Variants in DDX55 observed in about 807,000 individuals in gnomAD.
DDX55 encodes DEAD-box helicase 55.
DDX55 carries 56 observed loss-of-function variants against 69.2 expected under a neutral mutation model. That is an observed-to-expected ratio of 0.81 (90% CI 0.65 to 1.01). The LOEUF is 1.01. Ranked by LOEUF, DDX55 falls within the 50% of genes least tolerant of loss-of-function variation. DDX55 has a pLI of 0.00. For missense variants in DDX55, 720 were observed against 745.1 expected (o/e 0.97, Z 0.39); for synonymous variants, 268 against 273.1 (o/e 0.98, Z 0.18).
intron 12 of DDX55, among the ~76,000 whole-genome samples, chr12:123,619,055 C>T (rs113060372): frequency 0.014 from 2,147 of 152,336 alleles, 51 homozygotes; most frequent in African/African-American, 0.048. Flanking sequence ...CAGCCTGGAG[C>T]GCAGTGGCGC....
chr12:123,605,659 A>C (rs1953839500), intron 1 of DDX55: 1 of 558,602 alleles, frequency 1.8e-6, no homozygotes, highest in African/African-American at 1.9e-5. Flanking sequence ...AATGTCTTCA[A>C]CGCCTTCCTG....
At chr12:123,619,318 C>A in intron 12 of DDX55, 114 bp from the exon 13 acceptor site, 1 of 1,451,430 alleles carries the variant, frequency 6.9e-7, no homozygotes, top group Non-Finnish European at 9.1e-7. Context: ...TATTTTCATT[C>A]TAACTAAAAT....
intron 13 of DDX55, 78 bp downstream of exon 13, chr12:123,619,802 T>TG: frequency 1.3e-6 from 2 of 1,519,740 alleles, no homozygotes; most frequent in Non-Finnish European, 1.7e-6. Flanking sequence ...AGGAATTGTG[T>TG]GGGGCTGTCA....
At chr12:123,609,412 T>C (rs1954078688) in intron 6 of DDX55, among the ~76,000 whole-genome samples, 1 of 150,156 alleles carries the variant, frequency 6.7e-6, no homozygotes. Context: ...TCTCACTCTG[T>C]CATCCAGGCT....
intron 6 of DDX55, among the ~76,000 whole-genome samples, chr12:123,609,650 A>G (rs1414801659): frequency 6.6e-6 from 1 of 152,064 alleles, no homozygotes; most frequent in Admixed American, 6.6e-5. Context: ...TGGGATTACA[A>G]GCATGAGCCA....
rs1365214747 is a variant in DDX55 at position 123,608,676 on chromosome 12, A to G, written c.402-4A>G. The G allele has an allele frequency of 1.2e-6, 2 of 1,611,538 alleles. No individual in the cohort carries two copies. The highest frequency in any genetic ancestry group is 2.2e-5 in the East Asian group (1 of 44,854). Reference sequence around the variant, plus strand: ...TTTGGTAAATGTTAACTTTCTTTCCAAAGTGGGAACATCATTGTGGCCACT... The same window carrying G: ...TTTGGTAAATGTTAACTTTCTTTCCGAAGTGGGAACATCATTGTGGCCACT... On this transcript the variant is annotated splice_region_variant and splice_polypyrimidine_tract_variant and intron_variant, in intron 5 of 13. Coordinates refer to ENST00000238146, the MANE Select transcript of DDX55 (RefSeq NM_020936.3).
chr12:123,608,303 C>T (rs776928477), intron 5 of DDX55: 18 of 172,956 alleles, frequency 1.0e-4, no homozygotes, highest in African/African-American at 3.1e-4. Context: ...TAAATGTTTT[C>T]GGCTTTGTGA....
intron 6 of DDX55, 40 bp from the exon 7 acceptor site, chr12:123,609,899 T>C: frequency 6.3e-7 from 1 of 1,585,760 alleles, no homozygotes; most frequent in South Asian, 1.2e-5. Flanking sequence ...TTGATTCTGC[T>C]GGCAAGTGAG....
intron 7 of DDX55, among the ~76,000 whole-genome samples, chr12:123,610,436 C>G (rs886347943): frequency 2.0e-5 from 3 of 152,016 alleles, no homozygotes; most frequent in South Asian, 2.1e-4. Context: ...CTCTGTAGTT[C>G]CTGGGCCCGT....
At position 123,602,276 on chromosome 12, in the gene DDX55, G is replaced by A. The variant is rs1953609375; in HGVS notation, c.108+20G>A. ...GTGCAGGTATCGGTTCCCTGGCGTG[G>A]GGGAGTGAGGCTGGGAGAGGGGCAG... On this transcript the variant is annotated intron_variant, in intron 1 of 13. Transcript: ENST00000238146. 1 of 1,536,226 alleles carries A rather than the reference G, an allele frequency of 6.5e-7. No homozygotes were observed. Among genetic ancestry groups the A allele is most frequent in the African/African-American group, 1.4e-5 (1 of 73,134 alleles).
At position 123,617,810 on chromosome 12, in the gene DDX55, G is replaced by T. The variant is rs916500018; in HGVS notation, c.1102G>T (p.Ala368Ser). The T allele has an allele frequency of 1.5e-5, 25 of 1,613,904 alleles. No individual in the cohort carries two copies. Among genetic ancestry groups the T allele is most frequent in the Non-Finnish European group, 1.6e-5 (19 of 1,180,002 alleles). Residue 368 changes from alanine (A) to serine (S), a missense_variant, in exon 11 of 14, where the codon GCT (alanine) becomes TCT (serine). Transcript: ENST00000238146. ...AGCTCGCATTGGCCACGGGGGCAGC[G>T]CTCTGGTGTTCCTCCTGCCCATGGA... The part of the protein sequence containing the change: ...RTARIGHGGS[A>S]LVFLLPMEES...
chr12:123,607,889 C>T (rs1953989517), intron 5 of DDX55: 4 of 595,500 alleles, frequency 6.7e-6, no homozygotes, highest in East Asian at 5.9e-5. Flanking sequence ...AAGAGAACGA[C>T]GTGAAGATAA....
At chr12:123,618,951 C>T in intron 12 of DDX55, 114 bp downstream of exon 12, 2 of 1,449,028 alleles carry the variant, frequency 1.4e-6, no homozygotes, top group South Asian at 1.4e-5. Flanking sequence ...TGAGTAGACA[C>T]AGAATAAACT....
chr12:123,607,455 C>A lies in DDX55; in HGVS notation c.270C>A (p.Pro90=), dbSNP rs371949103. ...KSQVGAIIIT[P]TRELAIQIDE... is the part of the protein sequence containing the mutation. ...AGGTTGGAGCCATAATCATCACCCC[C>A]ACTCGAGAGCTGGCCATTCAAATAG... Residue 90 remains proline, a synonymous_variant, in exon 4 of 14, where the codon CCC becomes CCA. Transcript: ENST00000238146. 2 of 1,614,138 alleles carry A rather than the reference C, an allele frequency of 1.2e-6. No individual in the cohort carries two copies. The highest frequency in any genetic ancestry group is 1.7e-5 in the Admixed American group (1 of 60,006).
intron 8 of DDX55, among the ~76,000 whole-genome samples, chr12:123,614,376 T>C (rs1300508995): frequency 6.6e-6 from 1 of 152,242 alleles, no homozygotes; most frequent in Admixed American, 6.5e-5. Flanking sequence ...AATGCAGTAG[T>C]GCAGTAGTCT....
Position 123,619,951 on chromosome 12 carries a change from C to T in DDX55, c.1627-13C>T. 1 of 1,606,862 alleles carries T rather than the reference C, an allele frequency of 6.2e-7. No individual in the cohort carries two copies. Among genetic ancestry groups the T allele is most frequent in the Non-Finnish European group, 8.5e-7 (1 of 1,177,240 alleles). On this transcript the variant is annotated splice_polypyrimidine_tract_variant and intron_variant, in intron 13 of 13. Transcript: ENST00000238146. ...GAAAAATTTAGTAGTTTATTGGTTTCTTCTGCACTTAGGGTTCTGATATTG... is the reference window on the plus strand; with the variant it reads ...GAAAAATTTAGTAGTTTATTGGTTTTTTCTGCACTTAGGGTTCTGATATTG...
In DDX55 at chr12:123,606,112, A is replaced by G; in HGVS notation, c.199A>G (p.Ile67Val). ...SGKTLAFVIP[I>V]LEILLRREEK... ...CAAAACACTCGCTTTTGTCATCCCC[A>G]TCCTGGAAATTCTTCTGAGAAGAGA... Residue 67 changes from isoleucine (I) to valine (V), a missense_variant, in exon 3 of 14, where the codon ATC becomes GTC. Ile to Val is a conservative substitution (Grantham distance 29). Transcript: ENST00000238146. The G allele has an allele frequency of 6.2e-7, 1 of 1,614,190 alleles. No individual in the cohort carries two copies. The highest frequency in any genetic ancestry group is 1.3e-5 in the African/African-American group (1 of 75,038).
At chr12:123,612,371 C>G (rs1188274773) in intron 7 of DDX55, among the ~76,000 whole-genome samples, 1 of 152,132 alleles carries the variant, frequency 6.6e-6, no homozygotes, top group Non-Finnish European at 1.5e-5. Flanking sequence ...AGAAAAAATT[C>G]CAAACTGGGG....
intron 12 of DDX55, 95 bp downstream of exon 12, chr12:123,618,932 C>G: frequency 6.5e-7 from 1 of 1,529,632 alleles, no homozygotes; most frequent in South Asian, 1.3e-5. Flanking sequence ...AGGAAGTGTT[C>G]CCAGGTTTTG....
Sources: gnomAD v4.1 joint callset for allele counts (sites outside exome capture counted in the v4.1 genomes callset) on GRCh38, gnomAD v4.1.1 for gene constraint, MANE v1.5 for transcripts, NCBI Gene and HGNC (gene_info 2026-07-23, HGNC 2026-07-21) for gene names.